The following DST variants were observed in gnomAD, a reference collection of about 807,000 sequenced individuals.
The protein encoded by DST is bullous pemphigoid antigen.
In DST, 253 loss-of-function variants were observed where a neutral mutation model predicts 875.2. The ratio of observed to expected loss-of-function variants is 0.29; its 90% CI spans 0.26 to 0.32. The LOEUF (loss-of-function observed/expected upper bound fraction) is 0.32, where lower values mean the gene tolerates loss of function less well. Ranked by LOEUF, DST falls within the 10% of genes least tolerant of loss-of-function variation. The pLI, the probability that DST is intolerant of heterozygous loss-of-function variation, is 1.00. For missense variants in DST, 8,287 were observed against 9,111.6 expected, an observed-to-expected ratio of 0.91 and a Z score of 3.68; for synonymous variants, 3,124 against 3,197.1, an observed-to-expected ratio of 0.98 and a Z score of 0.77.
intron 4 of DST, among the ~76,000 whole-genome samples, chr6:56,810,244 A>G (rs1336210352): frequency 6.6e-6 from 1 of 152,168 alleles, no homozygotes; most frequent in Non-Finnish European, 1.5e-5. Flanking sequence ...CAGGAGTTCA[A>G]AGCTGCAGTG....
At chr6:56,471,892 C>T (rs2094914004) in intron 94 of DST, 167 bp downstream of exon 94, 2 of 702,788 alleles carry the variant, frequency 2.8e-6, no homozygotes, top group Non-Finnish European at 5.1e-6. Context: ...TTCACAAAAT[C>T]ACACATACTT....
Position 56,607,070 on chromosome 6 carries a change from G to C in DST, c.7558C>G (p.Gln2520Glu), listed in dbSNP as rs2098504812. The change falls in exon 40 of 104, where the codon CAA becomes GAA. Residue 2520 changes from glutamine (Q) to glutamate (E), a missense_variant. Physicochemically the swap from Gln to Glu is conservative, Grantham distance 29. This residue lies in a region of DST where 3,138 missense variants were observed against 3,116.6 expected (regional missense o/e 1.01). Transcript: ENST00000680361. ...GAAATGTATTTATCATTGTGATATT[G>C]TACTTGAGGATTACTAGAAATCATA... ...LNMISSNPQV[Q>E]YHNDKYISNT... The C allele has an allele frequency of 6.2e-7, 1 of 1,612,916 alleles. No homozygotes were observed. The highest frequency in any genetic ancestry group is 1.3e-5 in the African/African-American group (1 of 74,848).
At chr6:56,619,785 G>A in intron 36 of DST, 1 of 1,614,094 alleles carries the variant, frequency 6.2e-7, no homozygotes, top group Non-Finnish European at 8.5e-7. Context: ...AGGCATCTGA[G>A]TGTATTATTT....
chr6:56,744,461 C>T (rs1187118146), intron 4 of DST, among the ~76,000 whole-genome samples: 1 of 151,984 alleles, frequency 6.6e-6, no homozygotes, highest in Non-Finnish European at 1.5e-5. Context: ...GTCAGTTTCC[C>T]CATTACTGCC....
At chr6:56,543,682 T>C (rs2097176210) in intron 61 of DST, among the ~76,000 whole-genome samples, 1 of 152,210 alleles carries the variant, frequency 6.6e-6, no homozygotes. Context: ...CTTTCTTCAA[T>C]CTCATAAAAT....
chr6:56,632,743 T>C, intron 28 of DST, 111 bp downstream of exon 28: 2 of 847,672 alleles, frequency 2.4e-6, no homozygotes, highest in Non-Finnish European at 1.9e-6. Context: ...TGTCTACATA[T>C]CATAGGCTGG....
chr6:56,808,551 C>T (rs1419311256), intron 4 of DST, among the ~76,000 whole-genome samples: 2 of 152,166 alleles, frequency 1.3e-5, no homozygotes, highest in East Asian at 3.9e-4. Context: ...GTAATTGTTT[C>T]CTAAATGAAA....
intron 61 of DST, 29 bp from the exon 62 acceptor site, chr6:56,536,969 A>T: frequency 6.2e-7 from 1 of 1,602,970 alleles, no homozygotes; most frequent in Non-Finnish European, 8.5e-7. Flanking sequence ...TAATTATATG[A>T]GTTATATTAC....
chr6:56,737,927 C>T (rs970005466), intron 4 of DST, among the ~76,000 whole-genome samples: 1 of 152,014 alleles, frequency 6.6e-6, no homozygotes, highest in African/African-American at 2.4e-5. Context: ...CACAAATGTT[C>T]GAGAAAAGGA....
chr6:56,530,160 G>C, intron 64 of DST, 27 bp from the exon 65 acceptor site: 1 of 1,524,042 alleles, frequency 6.6e-7, no homozygotes, highest in Non-Finnish European at 8.8e-7. Context: ...AGGTCATTTA[G>C]GGATGAAGAA....
chr6:56,810,112 A>G (rs989083835), intron 4 of DST, among the ~76,000 whole-genome samples: 24 of 152,178 alleles, frequency 1.6e-4, no homozygotes, highest in African/African-American at 5.8e-4. Flanking sequence ...GGACTGCTTG[A>G]AGCCAGAAGT....
chr6:56,604,258 T>A lies in DST; in HGVS notation c.10370A>T (p.Lys3457Ile), dbSNP rs752013219. The change falls in exon 40 of 104, where the codon AAA becomes ATA. Residue 3457 changes from lysine to isoleucine, a missense_variant. Lys to Ile is a moderately radical substitution (Grantham distance 102). This residue lies in a region of DST where 3,138 missense variants were observed against 3,116.6 expected (regional missense o/e 1.01). Transcript: ENST00000680361. ...NILKQDQHSQ[K>I]ITGVFELMRE... is the part of the protein sequence containing the mutation. Reference sequence around the variant, plus strand: ...CATCAATTCAAATACTCCTGTAATTTTTTGGCTATGTTGATCTTGCTTCAA... The same window carrying A: ...CATCAATTCAAATACTCCTGTAATTATTTGGCTATGTTGATCTTGCTTCAA... 6.2e-7 allele frequency: 1 copy of A among 1,611,576 alleles called. No homozygotes were observed. The highest frequency in any genetic ancestry group is 1.7e-5 in the Admixed American group (1 of 59,674).
chr6:56,504,866 A>T (rs181493565), intron 77 of DST, among the ~76,000 whole-genome samples: 5 of 151,400 alleles, frequency 3.3e-5, no homozygotes, highest in East Asian at 1.9e-4. Flanking sequence ...TGGCTAATAA[A>T]AAAAGAAAAA....
Position 56,607,911 on chromosome 6 carries a change from T to C in DST, c.6717A>G (p.Ala2239=). Reference sequence around the variant, plus strand: ...TTATGGCTGTGTTTCCATCAAATTCTGCATGACAGCCTTCCAGTAGCATGC... The same window carrying C: ...TTATGGCTGTGTTTCCATCAAATTCCGCATGACAGCCTTCCAGTAGCATGC... ...AVGMLLEGCH[A]EFDGNTAIKE... is the part of the protein sequence containing the mutation. The change falls in exon 40 of 104, where the codon GCA becomes GCG. Residue 2239 remains alanine, a synonymous_variant. Transcript: ENST00000680361. 1 of 1,613,750 alleles carries C rather than the reference T, an allele frequency of 6.2e-7. No homozygotes were observed. The highest frequency in any genetic ancestry group is 8.5e-7 in the Non-Finnish European group (1 of 1,179,734).
At chr6:56,526,865 T>A (rs2096809818) in intron 68 of DST, among the ~76,000 whole-genome samples, 3 of 152,224 alleles carry the variant, frequency 2.0e-5, no homozygotes, top group Admixed American at 6.5e-5. Flanking sequence ...AGTTAACTTG[T>A]ATTATTCTTT....
intron 4 of DST, among the ~76,000 whole-genome samples, chr6:56,831,583 G>A (rs2099787096): frequency 1.3e-5 from 2 of 152,154 alleles, no homozygotes; most frequent in South Asian, 2.1e-4. Context: ...CATATAATGA[G>A]TGTAGCTGGT....
At chr6:56,464,318 T>C in intron 100 of DST, 1 of 284,238 alleles carries the variant, frequency 3.5e-6, no homozygotes, top group Non-Finnish European at 6.6e-6. Context: ...CAGCTAGTAT[T>C]TTTATTTTAT....
intron 42 of DST, 77 bp from the exon 43 acceptor site, chr6:56,603,108 A>C: frequency 6.5e-7 from 1 of 1,546,718 alleles, no homozygotes; most frequent in Non-Finnish European, 8.7e-7. Flanking sequence ...GTGGTTTAAG[A>C]GTTAGCACTC....
intron 48 of DST, 21 bp from the exon 49 acceptor site, chr6:56,592,379 G>A: frequency 1.9e-6 from 3 of 1,561,704 alleles, no homozygotes; most frequent in Non-Finnish European, 2.6e-6. Flanking sequence ...AAAGAGAAAA[G>A]GGGTAGGAGA....
Sources: gnomAD v4.1 joint callset for allele counts (sites outside exome capture counted in the v4.1 genomes callset) on GRCh38, gnomAD v4.1.1 for gene constraint, gnomAD v4.1.1 regional missense constraint, MANE v1.5 for transcripts, NCBI Gene and HGNC (gene_info 2026-07-23, HGNC 2026-07-21) for gene names.